The following FHIT variants were observed in gnomAD, a reference collection of about 807,000 sequenced individuals.
FHIT encodes bis(5'-adenosyl)-triphosphatase.
FHIT carries 19 observed loss-of-function variants against 17.9 expected under a neutral mutation model. That is an observed-to-expected ratio of 1.06 (90% CI 0.74 to 1.56). The LOEUF is 1.56. Among genes scored for constraint, FHIT ranks in the 40% most tolerant of loss-of-function variants. FHIT has a pLI of 0.00. For synonymous variants in FHIT, 81 were observed against 69.7 expected, an observed-to-expected ratio of 1.16 and a Z score of -0.81; for missense variants, 248 against 189.2, an observed-to-expected ratio of 1.31 and a Z score of -1.82.
chr3:60,225,012 C>A (rs758700597), intron 5 of FHIT, among the ~76,000 whole-genome samples: 2 of 152,130 alleles, frequency 1.3e-5, no homozygotes, highest in Non-Finnish European at 2.9e-5. Flanking sequence ...TGAGCCACCA[C>A]GCCCAGCCAG....
intron 7 of FHIT, among the ~76,000 whole-genome samples, chr3:59,948,152 G>A (rs1473446036): frequency 6.6e-6 from 1 of 151,992 alleles, no homozygotes; most frequent in Non-Finnish European, 1.5e-5. Context: ...CCCTTTCTCT[G>A]GGATAAATGC....
intron 7 of FHIT, among the ~76,000 whole-genome samples, chr3:59,980,427 A>G (rs1708601634): frequency 6.6e-6 from 1 of 152,198 alleles, no homozygotes; most frequent in African/African-American, 2.4e-5. Context: ...TGAAGGTATA[A>G]TGCCTCTGGC....
At chr3:60,565,089 T>C (rs1412480922) in intron 4 of FHIT, among the ~76,000 whole-genome samples, 2 of 152,162 alleles carry the variant, frequency 1.3e-5, no homozygotes, top group African/African-American at 2.4e-5. Flanking sequence ...GACCTTCCCA[T>C]TTTTATTGTT....
chr3:60,104,143 C>T (rs978138167), intron 5 of FHIT, among the ~76,000 whole-genome samples: 1 of 152,102 alleles, frequency 6.6e-6, no homozygotes, highest in Non-Finnish European at 1.5e-5. Context: ...GAAAAAAAGT[C>T]CTATCAAACC....
At chr3:60,140,989 G>T (rs1238747248) in intron 5 of FHIT, among the ~76,000 whole-genome samples, 1 of 152,150 alleles carries the variant, frequency 6.6e-6, no homozygotes, top group Non-Finnish European at 1.5e-5. Context: ...GATGGTTTCA[G>T]TCTGGTAACA....
At chr3:60,361,290 C>T (rs1418124490) in intron 5 of FHIT, among the ~76,000 whole-genome samples, 1 of 152,124 alleles carries the variant, frequency 6.6e-6, no homozygotes, top group African/African-American at 2.4e-5. Flanking sequence ...GACAAAATCT[C>T]AGATCAGAGA....
chr3:59,786,964 C>T (rs928566399), intron 8 of FHIT, among the ~76,000 whole-genome samples: 4 of 152,150 alleles, frequency 2.6e-5, no homozygotes, highest in Non-Finnish European at 4.4e-5. Context: ...ACAAAGGCTG[C>T]ATAACTGAAT....
intron 7 of FHIT, among the ~76,000 whole-genome samples, chr3:59,963,247 AC>A (rs1420498543): frequency 6.6e-6 from 1 of 152,022 alleles, no homozygotes; most frequent in African/African-American, 2.4e-5. Flanking sequence ...AGCCTGGGTG[AC>A]AGAGCGAGAC....
In FHIT at chr3:60,274,592, G is replaced by A. The variant is rs144871934; in HGVS notation, c.104-260440C>T. ...AAAAACTTGTCTATAACAAAAACAT[G>A]CCCATAGCAATAACAGCAACAACAA... is the stretch of plus-strand genomic sequence containing the variant. On this transcript the variant is annotated intron_variant, in intron 5 of 9. Transcript: ENST00000492590. Among the ~76,000 whole-genome samples the A allele has an allele frequency of 5.6e-3, 857 of 152,206 alleles. 21 individuals carry two copies. The highest frequency in any genetic ancestry group is 0.042 in the Admixed American group (641 of 15,276).
intron 4 of FHIT, among the ~76,000 whole-genome samples, chr3:60,807,187 A>C (rs1384868401): frequency 6.6e-6 from 1 of 152,198 alleles, no homozygotes; most frequent in Non-Finnish European, 1.5e-5. Context: ...ATTTATAGAC[A>C]AGCTGATTTC....
intron 3 of FHIT, among the ~76,000 whole-genome samples, chr3:61,004,172 G>A (rs2031287913): frequency 6.6e-6 from 1 of 152,076 alleles, no homozygotes; most frequent in African/African-American, 2.4e-5. Flanking sequence ...TTATGTCCAT[G>A]GTGAAACAAA....
chr3:60,518,995 ACTGT>A (rs2035261907), intron 5 of FHIT, among the ~76,000 whole-genome samples: 1 of 152,212 alleles, frequency 6.6e-6, no homozygotes, highest in Non-Finnish European at 1.5e-5. Flanking sequence ...ACAGAGTGAG[ACTGT>A]CTAAAAAACA....
chr3:61,250,833 G>A (rs1001281243), intron 1 of FHIT, among the ~76,000 whole-genome samples: 2 of 152,178 alleles, frequency 1.3e-5, no homozygotes, highest in Non-Finnish European at 2.9e-5. Flanking sequence ...CTCCCAAAAT[G>A]CTGCCTTCTC....
intron 3 of FHIT, among the ~76,000 whole-genome samples, chr3:60,965,980 G>A (rs989035435): frequency 8.5e-5 from 13 of 152,160 alleles, no homozygotes; most frequent in Admixed American, 2.0e-4. Context: ...AGATAGGGAC[G>A]TTTAAGTCTG....
intron 8 of FHIT, among the ~76,000 whole-genome samples, chr3:59,768,040 T>C (rs560366576): frequency 1.3e-5 from 2 of 152,330 alleles, no homozygotes; most frequent in East Asian, 1.9e-4. Flanking sequence ...GGAGATTCAG[T>C]GAATTGCTTG....
intron 5 of FHIT, among the ~76,000 whole-genome samples, chr3:60,035,286 G>A (rs1175413917): frequency 1.3e-5 from 2 of 152,202 alleles, no homozygotes. Context: ...GCCCAGGCTG[G>A]AGTGCAATGG....
chr3:60,563,929 T>A (rs527770504), intron 4 of FHIT, among the ~76,000 whole-genome samples: 1 of 152,176 alleles, frequency 6.6e-6, no homozygotes, highest in Non-Finnish European at 1.5e-5. Context: ...AAGTTGACCA[T>A]ATTAAACAAT....
chr3:59,985,737 T>G (rs1192680836), intron 7 of FHIT, among the ~76,000 whole-genome samples: 1 of 152,162 alleles, frequency 6.6e-6, no homozygotes, highest in Non-Finnish European at 1.5e-5. Flanking sequence ...AGCAAATATA[T>G]GTGGCACATG....
chr3:60,877,632 C>T (rs1704731877), intron 3 of FHIT, among the ~76,000 whole-genome samples: 1 of 152,168 alleles, frequency 6.6e-6, no homozygotes, highest in Non-Finnish European at 1.5e-5. Context: ...CACATTGCCC[C>T]TTGGGGAATC....
Sources: allele counts gnomAD v4.1 joint callset (sites outside exome capture counted in the v4.1 genomes callset), GRCh38; gene constraint gnomAD v4.1.1; transcripts MANE v1.5; gene names NCBI Gene and HGNC (gene_info 2026-07-23, HGNC 2026-07-21).